GRID1: variants seen among roughly 807,000 people sequenced by gnomAD.
GRID1 encodes glutamate receptor ionotropic, delta-1.
Under a neutral mutation model 98.0 loss-of-function variants are expected in GRID1, and 28 were observed. That is an observed-to-expected ratio of 0.29 (90% CI 0.21 to 0.39). The LOEUF is 0.39. Among genes scored for constraint, GRID1 ranks in the 10% least tolerant of loss-of-function variants. The pLI is 1.00. For missense variants in GRID1, 1,111 were observed against 1,340.5 expected, an observed-to-expected ratio of 0.83 and a Z score of 2.67; for synonymous variants, 553 against 538.5, an observed-to-expected ratio of 1.03 and a Z score of -0.37.
chr10:85,752,589 G>C (rs549759550), intron 8 of GRID1, among the ~76,000 whole-genome samples: 1 of 152,134 alleles, frequency 6.6e-6, no homozygotes, highest in South Asian at 2.1e-4. Context: ...TATACTTATG[G>C]CAAGGTTCAT....
intron 5 of GRID1, among the ~76,000 whole-genome samples, chr10:85,897,817 C>T (rs1383707623): frequency 6.6e-6 from 1 of 151,992 alleles, no homozygotes; most frequent in East Asian, 1.9e-4. Context: ...TACAATAGAT[C>T]CCCTGAACTG....
intron 8 of GRID1, among the ~76,000 whole-genome samples, chr10:85,848,192 TA>T (rs1172717176): frequency 6.6e-6 from 1 of 152,140 alleles, no homozygotes; most frequent in Non-Finnish European, 1.5e-5. Context: ...ATGTGAAAGT[TA>T]TTAGGCCTTT....
rs557855426 is a variant in GRID1, at chr10:85,914,410, T to C, written c.780+1776A>G. ...CTTTGGAACAAAGAAAACTGGACTA[T>C]GAAGAGCCACAGAGAAGTCAGCAAA... On this transcript the variant is annotated intron_variant, in intron 5 of 15. Transcript: ENST00000327946. 1.3e-4 allele frequency among the ~76,000 whole-genome samples: 20 copies of C among 152,230 alleles called. 1 individual carries two copies. The highest frequency in any genetic ancestry group is 5.9e-4 in the Admixed American group (9 of 15,284).
intron 8 of GRID1, among the ~76,000 whole-genome samples, chr10:85,743,874 T>C (rs1841973465): frequency 1.3e-5 from 2 of 152,196 alleles, no homozygotes; most frequent in South Asian, 4.1e-4. Flanking sequence ...CTTAATTGCA[T>C]GTCATAATGC....
At chr10:85,776,694 C>T (rs1168002304) in intron 8 of GRID1, among the ~76,000 whole-genome samples, 1 of 152,224 alleles carries the variant, frequency 6.6e-6, no homozygotes, top group Non-Finnish European at 1.5e-5. Context: ...CAAGCAAATG[C>T]TACCGGTGAT....
Position 85,728,003 on chromosome 10 carries a change from C to A in GRID1, c.1385G>T (p.Arg462Leu). 6.2e-7 allele frequency: 1 copy of A among 1,613,836 alleles called. No individual in the cohort carries two copies. The highest frequency in any genetic ancestry group is 1.1e-5 in the South Asian group (1 of 91,078). Residue 462 changes from arginine (R) to leucine (L), a missense_variant, in exon 10 of 16, where the codon CGC (arginine) becomes CTC (leucine). By Grantham distance (102) the Arg-to-Leu change is moderately radical. Transcript: ENST00000327946. Reference protein sequence around the residue: ...VAENILGQPKRYKGFSIDVLD... With the variant: ...VAENILGQPKLYKGFSIDVLD... ...GACATCTATGGAGAACCCTTTGTAGCGCTTGGGCTGTCCTAGGATGTTCTC... is the reference window on the plus strand; with the variant it reads ...GACATCTATGGAGAACCCTTTGTAGAGCTTGGGCTGTCCTAGGATGTTCTC...
At position 86,250,710 on chromosome 10, in the gene GRID1, G is replaced by A. The variant is rs551175912; in HGVS notation, c.236-44062C>T. On this transcript the variant is annotated intron_variant, in intron 2 of 15. Transcript: ENST00000327946. Reference sequence around the variant, plus strand: ...GGGGGACAGCCCCCGCCCAGCCGCCGCCCCGTCTGGGAGGTGGGGGGCGCC... The same window carrying A: ...GGGGGACAGCCCCCGCCCAGCCGCCACCCCGTCTGGGAGGTGGGGGGCGCC... 7.7e-3 allele frequency among the ~76,000 whole-genome samples: 1,163 copies of A among 151,618 alleles called. 18 individuals carry two copies. Among genetic ancestry groups the A allele is most frequent in the African/African-American group, 0.026 (1,090 of 41,334 alleles).
intron 12 of GRID1, among the ~76,000 whole-genome samples, chr10:85,653,568 G>T (rs1282739916): frequency 6.6e-6 from 1 of 152,170 alleles, no homozygotes; most frequent in East Asian, 1.9e-4. Flanking sequence ...GTGTACACAG[G>T]AGCTGTGGTT....
At chr10:85,751,656 CAT>C (rs1842046771) in intron 8 of GRID1, among the ~76,000 whole-genome samples, 1 of 152,026 alleles carries the variant, frequency 6.6e-6, no homozygotes, top group African/African-American at 2.4e-5. Context: ...AAAAGAAAAA[CAT>C]ATATTCTTAT....
intron 4 of GRID1, among the ~76,000 whole-genome samples, chr10:85,998,074 C>A (rs1407418730): frequency 6.6e-6 from 1 of 152,040 alleles, no homozygotes; most frequent in Non-Finnish European, 1.5e-5. Context: ...ACTTTCTCAG[C>A]AATAGATAGA....
chr10:85,996,693 A>T (rs1350908318), intron 4 of GRID1, among the ~76,000 whole-genome samples: 1 of 152,028 alleles, frequency 6.6e-6, no homozygotes, highest in Non-Finnish European at 1.5e-5. Context: ...GCCAGGCATG[A>T]TGGTGGGTGC....
intron 15 of GRID1, among the ~76,000 whole-genome samples, chr10:85,609,934 C>T (rs779492224): frequency 6.6e-6 from 1 of 152,164 alleles, no homozygotes; most frequent in Admixed American, 6.5e-5. Flanking sequence ...ACTACATAAT[C>T]GTCTGATTCC....
At position 85,723,137 on chromosome 10, in the gene GRID1, G is replaced by A. The variant is rs770151501; in HGVS notation, c.1863C>T (p.Gly621=). 1.7e-5 allele frequency: 27 copies of A among 1,604,898 alleles called. No homozygotes were observed. In the East Asian group the frequency reaches 3.1e-4, roughly 19 times the overall value. The change falls in exon 12 of 16, where the codon GGC becomes GGT. Residue 621 remains glycine, a synonymous_variant. Coordinates refer to ENST00000327946, the MANE Select transcript of GRID1 (RefSeq NM_017551.3). ...IVYGAFVQQG[G]ESSVNSMAMR... The stretch of plus-strand genomic sequence containing the variant: ...TGGCCATGGAGTTCACGGAAGATTC[G>A]CCACCTGCGGGAGGCAGACAAAGTG...
chr10:85,804,629 T>A (rs1410301882), intron 8 of GRID1, among the ~76,000 whole-genome samples: 1 of 151,924 alleles, frequency 6.6e-6, no homozygotes, highest in Non-Finnish European at 1.5e-5. Context: ...TATAGCATTA[T>A]GACTATGTAC....
At chr10:86,139,677 A>G (rs898612484) in intron 3 of GRID1, among the ~76,000 whole-genome samples, 1 of 152,236 alleles carries the variant, frequency 6.6e-6, no homozygotes, top group Admixed American at 6.5e-5. Flanking sequence ...AAGTCCAGTC[A>G]GAAGCCCACA....
At chr10:85,849,624 G>A (rs768137295) in intron 8 of GRID1, among the ~76,000 whole-genome samples, 4 of 152,056 alleles carry the variant, frequency 2.6e-5, no homozygotes, top group East Asian at 1.9e-4. Context: ...GAACTGCATC[G>A]CCTCAAGTTC....
intron 2 of GRID1, among the ~76,000 whole-genome samples, chr10:86,328,829 G>A (rs1564740181): frequency 6.6e-6 from 1 of 151,600 alleles, no homozygotes. Flanking sequence ...GAGACTCCCA[G>A]GACTTGGGGA....
In GRID1 at chr10:85,599,802, A is replaced by AAAAATATATATATATATATATATAT; in HGVS notation, c.*2470_*2471insATATATATATATATATATATATTTT. On this transcript the variant is annotated 3_prime_UTR_variant, in exon 16 of 16. Transcript: ENST00000327946. Reference sequence around the variant, plus strand: ...GTAGAAAATTCTAAAAAAAAAAAAAAATATATATATATATATATAAACATG... The same window carrying AAAAATATATATATATATATATATAT: ...GTAGAAAATTCTAAAAAAAAAAAAAAAAAATATATATATATATATATATATATATATATATATATATATAAACATG... 40 of 64,918 alleles carry AAAAATATATATATATATATATATAT rather than the reference A, an allele frequency of 6.2e-4. No homozygotes were observed. The highest frequency in any genetic ancestry group is 9.7e-4 in the South Asian group (2 of 2,070). The allele number at this position is 64,918 out of a possible 1,614,324, so 4.0% of individuals were successfully genotyped here. A position where few individuals can be genotyped will look rare whatever the true frequency, so the allele number is the denominator to read the frequency against.
intron 4 of GRID1, among the ~76,000 whole-genome samples, chr10:86,009,141 A>C (rs1388482667): frequency 6.6e-6 from 1 of 151,370 alleles, no homozygotes; most frequent in Non-Finnish European, 1.5e-5. Flanking sequence ...CTTATAACCG[A>C]AAAAAAAAGT....
Sources: gnomAD v4.1 joint callset for allele counts (sites outside exome capture counted in the v4.1 genomes callset) on GRCh38, gnomAD v4.1.1 for gene constraint, MANE v1.5 for transcripts, NCBI Gene and HGNC (gene_info 2026-07-23, HGNC 2026-07-21) for gene names.